NPFFR2: variants seen among roughly 807,000 people sequenced by gnomAD.
The protein encoded by NPFFR2 is G-protein coupled receptor 74.
A neutral mutation model predicts 13.1 loss-of-function variants in NPFFR2; 15 were observed. The ratio of observed to expected loss-of-function variants is 1.15; its 90% CI spans 0.77 to 1.76. The LOEUF (loss-of-function observed/expected upper bound fraction) is 1.76. Ranked by LOEUF, NPFFR2 falls within the 40% of genes most tolerant of loss-of-function variation. The pLI is 0.00. For synonymous variants in NPFFR2, 190 were observed against 175.7 expected (o/e 1.08, Z -0.65); for missense variants, 572 against 503.5 (o/e 1.14, Z -1.30).
At chr4:72,113,460 CA>C (rs1405757040) in intron 1 of NPFFR2, among the ~76,000 whole-genome samples, 1 of 152,030 alleles carries the variant, frequency 6.6e-6, no homozygotes, top group African/African-American at 2.4e-5. Context: ...CTCCACATTC[CA>C]TTGCATCAAA....
intron 1 of NPFFR2, among the ~76,000 whole-genome samples, chr4:72,112,180 C>T (rs373165362): frequency 2.0e-4 from 30 of 152,088 alleles, no homozygotes; most frequent in African/African-American, 7.0e-4. Context: ...TCTTGATTCT[C>T]ATCAGTTGAT....
chr4:72,093,447 T>G (rs1720967445), intron 1 of NPFFR2, among the ~76,000 whole-genome samples: 1 of 152,220 alleles, frequency 6.6e-6, no homozygotes, highest in Non-Finnish European at 1.5e-5. Flanking sequence ...AGATTTCTCT[T>G]CTTCCTCAGG....
intron 1 of NPFFR2, among the ~76,000 whole-genome samples, chr4:72,092,079 G>A (rs1720931085): frequency 6.6e-6 from 1 of 151,906 alleles, no homozygotes; most frequent in Non-Finnish European, 1.5e-5. Flanking sequence ...TTTCCCTCTT[G>A]ATTTTATTGC....
At chr4:72,119,794 G>A (rs1721817384) in intron 1 of NPFFR2, among the ~76,000 whole-genome samples, 1 of 152,252 alleles carries the variant, frequency 6.6e-6, no homozygotes, top group Non-Finnish European at 1.5e-5. Flanking sequence ...CAGACCAGGA[G>A]ATTCCCTCAG....
intron 1 of NPFFR2, among the ~76,000 whole-genome samples, chr4:72,060,511 A>C (rs1222101306): frequency 6.6e-6 from 1 of 152,126 alleles, no homozygotes; most frequent in African/African-American, 2.4e-5. Flanking sequence ...GAAGAGGTAG[A>C]TTCCCTCCTC....
Position 72,075,976 on chromosome 4 carries a change from TACACAC to T in NPFFR2, c.-8+43802_-8+43807del, listed in dbSNP as rs1025719017. 8.5e-3 allele frequency among the ~76,000 whole-genome samples: 706 copies of T among 83,162 alleles called. 2 individuals carry two copies. The highest frequency in any genetic ancestry group is 0.011 in the African/African-American group (239 of 21,512). The allele number at this position is 83,162 out of a possible 152,430, so 54.6% of individuals were successfully genotyped here. A position where few individuals can be genotyped will look rare whatever the true frequency, so the allele number is the denominator to read the frequency against. On this transcript the variant is annotated intron_variant, in intron 1 of 3. Transcript: ENST00000308744. ...TCTCTGTCACACACACACACACACA[TACACAC>T]ACACACACACACACACACACACACA...
chr4:72,098,360 A>C (rs1363695110), intron 1 of NPFFR2, among the ~76,000 whole-genome samples: 1 of 152,232 alleles, frequency 6.6e-6, no homozygotes, highest in Non-Finnish European at 1.5e-5. Context: ...GATATGCTCT[A>C]GTTCAAGTTG....
intron 1 of NPFFR2, among the ~76,000 whole-genome samples, chr4:72,074,166 G>A (rs138081592): frequency 6.6e-6 from 1 of 152,146 alleles, no homozygotes; most frequent in African/African-American, 2.4e-5. Context: ...CAAATAAGCT[G>A]CTAACCAAGA....
rs1722812000 is a variant in NPFFR2 at position 72,147,234 on chromosome 4, C to A, written c.685C>A (p.Leu229Met). The change falls in exon 4 of 4, where the codon CTG becomes ATG. Residue 229 changes from leucine to methionine, a missense_variant. Coordinates refer to ENST00000308744, the MANE Select transcript of NPFFR2 (RefSeq NM_004885.3). ...YTTVLFANIYLAPLSLIVIMY... is the reference protein window; with the variant it reads ...YTTVLFANIYMAPLSLIVIMY... The stretch of plus-strand genomic sequence containing the variant: ...CACTGTGCTGTTTGCCAACATCTAC[C>A]TGGCTCCCCTCTCCCTCATTGTCAT... The A allele has an allele frequency of 6.2e-7, 1 of 1,614,040 alleles. No individual in the cohort carries two copies. The highest frequency in any genetic ancestry group is 8.5e-7 in the Non-Finnish European group (1 of 1,180,034).
intron 1 of NPFFR2, among the ~76,000 whole-genome samples, chr4:72,117,179 C>G (rs1280412836): frequency 6.6e-6 from 1 of 152,118 alleles, no homozygotes; most frequent in African/African-American, 2.4e-5. Context: ...CAGGTTGTAG[C>G]CCGGCAGGAC....
At chr4:72,089,131 C>T (rs1466601427) in intron 1 of NPFFR2, among the ~76,000 whole-genome samples, 2 of 152,184 alleles carry the variant, frequency 1.3e-5, no homozygotes, top group Admixed American at 1.3e-4. Context: ...GGTTTTCAAT[C>T]TTATCCAGGT....
Position 72,147,623 on chromosome 4 carries a change from G to A in NPFFR2, c.1074G>A (p.Lys358=). The change falls in exon 4 of 4, where the codon AAG becomes AAA. Residue 358 remains lysine (K), a synonymous_variant. Coordinates refer to ENST00000308744, the MANE Select transcript of NPFFR2 (RefSeq NM_004885.3). ...TCCAGCTCTGCCAAAAAAGAGCAAA[G>A]CCTATGGAAGCTTATGCCCTAAAAG... The part of the protein sequence containing the change: ...FQLQLCQKRA[K]PMEAYALKAK... 1 of 1,614,088 alleles carries A rather than the reference G, an allele frequency of 6.2e-7. No homozygotes were observed. The highest frequency in any genetic ancestry group is 8.5e-7 in the Non-Finnish European group (1 of 1,180,002).
chr4:72,130,004 T>G (rs897243441), intron 2 of NPFFR2, among the ~76,000 whole-genome samples: 13 of 140,972 alleles, frequency 9.2e-5, no homozygotes, highest in African/African-American at 3.3e-4. Context: ...GCACCGCCCT[T>G]AATCCATTCA....
chr4:72,120,152 C>A (rs1721827454), intron 1 of NPFFR2, among the ~76,000 whole-genome samples: 1 of 152,204 alleles, frequency 6.6e-6, no homozygotes, highest in Non-Finnish European at 1.5e-5. Context: ...CCAGTGTAAA[C>A]AAAGCCTCCA....
chr4:72,100,720 T>C (rs1392990773), intron 1 of NPFFR2, among the ~76,000 whole-genome samples: 1 of 152,104 alleles, frequency 6.6e-6, no homozygotes, highest in Non-Finnish European at 1.5e-5. Context: ...GTTAATATAA[T>C]TTCTTGAATT....
At chr4:72,073,515 G>A (rs942639809) in intron 1 of NPFFR2, among the ~76,000 whole-genome samples, 2 of 151,908 alleles carry the variant, frequency 1.3e-5, no homozygotes, top group African/African-American at 2.4e-5. Flanking sequence ...AAAGCTAATG[G>A]TGTGGTAACT....
chr4:72,099,686 G>A lies in NPFFR2; in HGVS notation c.-7-28899G>A, dbSNP rs112918057. Among the ~76,000 whole-genome samples, 450 of 152,044 alleles carry A rather than the reference G, an allele frequency of 3.0e-3. 3 individuals are homozygous for A. Among genetic ancestry groups the A allele is most frequent in the African/African-American group, 9.8e-3 (408 of 41,476 alleles). On this transcript the variant is annotated intron_variant, in intron 1 of 3. Transcript: ENST00000308744. Reference sequence around the variant, plus strand: ...AATCCACCCTGATGACCCCAACACCGCCCATCAGTCTCCACCTCCAACACC... The same window carrying A: ...AATCCACCCTGATGACCCCAACACCACCCATCAGTCTCCACCTCCAACACC...
At chr4:72,128,438 C>A in intron 1 of NPFFR2, 147 bp from the exon 2 acceptor site, 1 of 543,388 alleles carries the variant, frequency 1.8e-6, no homozygotes, top group East Asian at 3.0e-5. Flanking sequence ...ATTTATAATT[C>A]AGTTTTATGT....
chr4:72,033,662 G>C (rs1467016793), intron 1 of NPFFR2, among the ~76,000 whole-genome samples: 1 of 152,090 alleles, frequency 6.6e-6, no homozygotes, highest in Non-Finnish European at 1.5e-5. Context: ...TCATCTGGCA[G>C]TTTTATTCTT....
Sources: gnomAD v4.1 joint callset for allele counts (sites outside exome capture counted in the v4.1 genomes callset) on GRCh38, gnomAD v4.1.1 for gene constraint, MANE v1.5 for transcripts, NCBI Gene and HGNC (gene_info 2026-07-23, HGNC 2026-07-21) for gene names.